EYA2: variants seen among roughly 807,000 people sequenced by gnomAD.
EYA2 encodes the protein protein phosphatase EYA2.
In EYA2, 31 loss-of-function variants were observed where a neutral mutation model predicts 69.2. That is an observed-to-expected ratio of 0.45 (90% confidence interval 0.34 to 0.60). EYA2 has a LOEUF of 0.60. Ranked by LOEUF, EYA2 falls within the 20% of genes least tolerant of loss-of-function variation. The pLI is 0.02. For missense variants in EYA2, 622 were observed against 701.2 expected (o/e 0.89, Z 1.28); for synonymous variants, 257 against 279.4 (o/e 0.92, Z 0.80).
chr20:46,993,026 T>G (rs1314694669), intron 2 of EYA2, among the ~76,000 whole-genome samples: 3 of 151,724 alleles, frequency 2.0e-5, no homozygotes, highest in Non-Finnish European at 4.4e-5. Flanking sequence ...GGACCTGCAC[T>G]CAGGGGGATT....
intron 9 of EYA2, among the ~76,000 whole-genome samples, chr20:47,105,133 A>C (rs926009253): frequency 1.3e-5 from 2 of 152,228 alleles, no homozygotes; most frequent in Non-Finnish European, 2.9e-5. Context: ...TGTCTTGATT[A>C]CTGTAGCTTT....
chr20:46,936,804 A>G (rs927863043), intron 1 of EYA2, among the ~76,000 whole-genome samples: 3 of 152,096 alleles, frequency 2.0e-5, no homozygotes, highest in Non-Finnish European at 4.4e-5. Context: ...AACTCCCCAG[A>G]AGGCCATCCC....
At chr20:47,185,276 C>CTTTTTTTTTTTTTTTTTTTTTTTTTTTT (rs765083065) in intron 15 of EYA2, among the ~76,000 whole-genome samples, 1 of 55,844 alleles carries the variant, frequency 1.8e-5, no homozygotes, top group African/African-American at 7.5e-5. Context: ...GAATCACACT[C>CTTTTTTTTTTTTTTTTTTTTTTTTTTTT]TTTTTTTTTT....
chr20:46,989,965 A>T, intron 1 of EYA2, 36 bp from the exon 2 acceptor site: 1 of 1,048,298 alleles, frequency 9.5e-7, no homozygotes, highest in Non-Finnish European at 1.5e-6. Flanking sequence ...ATGCATAATT[A>T]ATGAATAAAT....
intron 2 of EYA2, among the ~76,000 whole-genome samples, chr20:46,994,328 A>C (rs780991155): frequency 2.0e-5 from 3 of 152,224 alleles, no homozygotes; most frequent in Non-Finnish European, 4.4e-5. Flanking sequence ...TCAAGGGAAA[A>C]ATGGATTTGA....
At chr20:47,009,399 A>G (rs1156625312) in intron 4 of EYA2, among the ~76,000 whole-genome samples, 1 of 152,256 alleles carries the variant, frequency 6.6e-6, no homozygotes, top group Non-Finnish European at 1.5e-5. Flanking sequence ...CCTGCAGGAA[A>G]TAACACAATT....
chr20:47,134,913 G>A (rs963860724), intron 9 of EYA2, among the ~76,000 whole-genome samples: 30 of 151,886 alleles, frequency 2.0e-4, no homozygotes, highest in Admixed American at 1.7e-3. Context: ...GGATCATGAG[G>A]TCAGGAGATC....
chr20:46,973,175 C>T (rs79715325), intron 1 of EYA2, among the ~76,000 whole-genome samples: 6,607 of 152,232 alleles, frequency 0.043, 508 homozygotes, highest in African/African-American at 0.15. Context: ...CCAAATTACT[C>T]TGAACCTAAT....
At chr20:46,958,538 A>C (rs1979277427) in intron 1 of EYA2, among the ~76,000 whole-genome samples, 2 of 152,230 alleles carry the variant, frequency 1.3e-5, no homozygotes, top group African/African-American at 4.8e-5. Flanking sequence ...CAACTTGTCC[A>C]TGAGGAACCC....
At chr20:47,059,799 C>T (rs368314617) in intron 5 of EYA2, among the ~76,000 whole-genome samples, 1 of 152,178 alleles carries the variant, frequency 6.6e-6, no homozygotes, top group Admixed American at 6.5e-5. Flanking sequence ...AAGGCTCATC[C>T]GATTCTCCAT....
At chr20:47,059,041 A>G (rs1355138395) in intron 5 of EYA2, among the ~76,000 whole-genome samples, 1 of 152,236 alleles carries the variant, frequency 6.6e-6, no homozygotes, top group Non-Finnish European at 1.5e-5. Context: ...GCACACCAGA[A>G]TTAGTGCCTG....
chr20:46,906,439 C>T (rs1417996063), intron 1 of EYA2, among the ~76,000 whole-genome samples: 2 of 152,150 alleles, frequency 1.3e-5, no homozygotes, highest in Non-Finnish European at 2.9e-5. Flanking sequence ...TGCAGTCTCT[C>T]GGGGACATTG....
chr20:46,941,287 G>A (rs1180499992), intron 1 of EYA2, among the ~76,000 whole-genome samples: 1 of 152,240 alleles, frequency 6.6e-6, no homozygotes, highest in Non-Finnish European at 1.5e-5. Context: ...GGAGCTGGAA[G>A]GATGTAATGA....
Position 47,188,369 on chromosome 20 carries a change from C to T in EYA2, c.*236C>T, listed in dbSNP as rs1014541538. ...TTGACTTTGGGGAAAAGGGCTGGCT[C>T]GGAGTCTAGACTCTTCTGTAAGACT... is the stretch of plus-strand genomic sequence containing the variant. On this transcript the variant is annotated 3_prime_UTR_variant, in exon 16 of 16. Transcript: ENST00000327619. 5.0e-5 allele frequency: 30 copies of T among 600,414 alleles called. No homozygotes were observed. Among genetic ancestry groups the T allele is most frequent in the African/African-American group, 1.7e-4 (9 of 53,852 alleles). 37.2% of individuals were successfully genotyped at this position (600,414 alleles called of 1,614,324 possible). A position where few individuals can be genotyped will look rare whatever the true frequency, so the allele number is the denominator to read the frequency against.
At chr20:47,097,041 C>G (rs370628058) in intron 8 of EYA2, 44 bp from the exon 9 acceptor site, 1 of 1,427,288 alleles carries the variant, frequency 7.0e-7, no homozygotes, top group African/African-American at 1.4e-5. Flanking sequence ...GTCAGATGCA[C>G]GTGAGTCCAT....
intron 5 of EYA2, among the ~76,000 whole-genome samples, chr20:47,063,392 C>CGT (rs35187186): frequency 0.023 from 3,326 of 143,444 alleles, 36 homozygotes; most frequent in Middle Eastern, 0.063. Flanking sequence ...TGTGCGTGTG[C>CGT]GTGTGTGTGT....
intron 5 of EYA2, among the ~76,000 whole-genome samples, chr20:47,021,402 G>A (rs532203566): frequency 3.9e-5 from 6 of 152,150 alleles, no homozygotes; most frequent in South Asian, 4.2e-4. Flanking sequence ...TGAGGCGGGC[G>A]GATCATCTGA....
intron 5 of EYA2, among the ~76,000 whole-genome samples, chr20:47,057,413 G>T (rs950925743): frequency 6.6e-6 from 1 of 152,114 alleles, no homozygotes; most frequent in Non-Finnish European, 1.5e-5. Context: ...CTGTGGTCAG[G>T]GTGCTTGAGT....
intron 7 of EYA2, among the ~76,000 whole-genome samples, chr20:47,079,524 C>T (rs928287911): frequency 2.6e-5 from 4 of 152,224 alleles, no homozygotes; most frequent in Non-Finnish European, 4.4e-5. Context: ...TGTGATTCCA[C>T]TGGGCCCACT....
Sources: allele counts gnomAD v4.1 joint callset (sites outside exome capture counted in the v4.1 genomes callset), GRCh38; gene constraint gnomAD v4.1.1; transcripts MANE v1.5; gene names NCBI Gene and HGNC (gene_info 2026-07-23, HGNC 2026-07-21).